Variants in SEMA4C observed in about 807,000 individuals in gnomAD.
SEMA4C encodes the protein semaphorin 4C.
In SEMA4C, 19 loss-of-function variants were observed where a neutral mutation model predicts 89.0. The observed-to-expected ratio is 0.21, with a 90% confidence interval of 0.15 to 0.31. The LOEUF (loss-of-function observed/expected upper bound fraction) is 0.31. Among genes scored for constraint, SEMA4C ranks in the 10% least tolerant of loss-of-function variants. The pLI is 1.00. For missense variants in SEMA4C, 811 were observed against 1,107.0 expected (o/e 0.73, Z 3.79); for synonymous variants, 428 against 472.7 (o/e 0.91, Z 1.23).
chr2:96,864,767 C>G lies in SEMA4C; in HGVS notation c.900G>C (p.Met300Ile). 6.2e-7 allele frequency: 1 copy of G among 1,613,964 alleles called. No homozygotes were observed. The highest frequency in any genetic ancestry group is 1.1e-5 in the South Asian group (1 of 91,088). ...WQLYFNQLQAMHTLQDTSWHN... is the reference protein window; with the variant it reads ...WQLYFNQLQAIHTLQDTSWHN... ...GCCAGGAGGTGTCCTGCAGGGTGTGCATCGCCTGCAGCTGGTTGAAGTAGA... is the reference window on the plus strand; with the variant it reads ...GCCAGGAGGTGTCCTGCAGGGTGTGGATCGCCTGCAGCTGGTTGAAGTAGA... Residue 300 changes from methionine (M) to isoleucine (I), a missense_variant, in exon 9 of 15, where the codon ATG becomes ATC. Physicochemically the swap from Met to Ile is conservative, Grantham distance 10 (BLOSUM62 1). Coordinates refer to ENST00000305476, the MANE Select transcript of SEMA4C (RefSeq NM_017789.5). The surrounding 1 kb of genome is among the most constrained non-coding windows in gnomAD (Gnocchi z 6.3).
At position 96,860,643 on chromosome 2, in the gene SEMA4C, C is replaced by G. The variant is rs375490727; in HGVS notation, c.2485G>C (p.Glu829Gln). The G allele has an allele frequency of 6.2e-7, 1 of 1,609,862 alleles. No individual in the cohort carries two copies. Among genetic ancestry groups the G allele is most frequent in the Non-Finnish European group, 8.5e-7 (1 of 1,177,798 alleles). Residue 829 changes from glutamate to glutamine, a missense_variant, in exon 15 of 15, where the codon GAG becomes CAG. By Grantham distance (29) the Glu-to-Gln change is conservative. Around this residue, in one of 4 missense-constraint regions of SEMA4C, gnomAD observed 248 missense variants for 269.0 expected, o/e 0.92. Transcript: ENST00000305476. ...GGTTCCCCTCATACTGATGACTCCT[C>G]GGGGTTGGAGTCGGGCAGTGGCTGG... ...QRQPLPDSNP[E>Q]ESSV is the part of the protein sequence containing the mutation.
intron 12 of SEMA4C, 109 bp from the exon 13 acceptor site, chr2:96,862,003 C>T (rs1361319436): frequency 2.5e-6 from 3 of 1,185,576 alleles, no homozygotes. Flanking sequence ...GCAGGGGGCA[C>T]AGCACGGGGC....
chr2:96,860,329 C>T lies in SEMA4C; in HGVS notation c.*297G>A, dbSNP rs2079912200. On this transcript the variant is annotated 3_prime_UTR_variant, in exon 15 of 15. Coordinates refer to ENST00000305476, the MANE Select transcript of SEMA4C (RefSeq NM_017789.5). ...ACACACACAAACACATGTGCAAATA[C>T]AGACAAACACACATCTTGAAACTTC... 2.2e-6 allele frequency: 1 copy of T among 457,742 alleles called. No homozygotes were observed. Among genetic ancestry groups the T allele is most frequent in the Non-Finnish European group, 3.9e-6 (1 of 258,302 alleles). The allele number at this position is 457,742 out of a possible 1,614,324, so 28.4% of individuals were successfully genotyped here.
In SEMA4C at chr2:96,860,853, G is replaced by A; in HGVS notation, c.2275C>T (p.Pro759Ser). Residue 759 changes from proline (P) to serine (S), a missense_variant, in exon 15 of 15, where the codon CCT (proline) becomes TCT (serine). Physicochemically the swap from Pro to Ser is moderately conservative, Grantham distance 74 (BLOSUM62 -1). Transcript: ENST00000305476. ...HARCQPGGGPPSPPPGIPGQP... is the reference protein window; with the variant it reads ...HARCQPGGGPSSPPPGIPGQP... ...CCTGGGATGCCTGGAGGTGGCGAAG[G>A]GGGCCCCCCACCGGGCTGGCACCGG... 6.2e-7 allele frequency: 1 copy of A among 1,613,156 alleles called. No individual in the cohort carries two copies. Among genetic ancestry groups the A allele is most frequent in the Non-Finnish European group, 8.5e-7 (1 of 1,179,986 alleles).
Position 96,860,388 on chromosome 2 carries a change from G to C in SEMA4C, c.*238C>G, listed in dbSNP as rs1255579397. On this transcript the variant is annotated 3_prime_UTR_variant, in exon 15 of 15. Transcript: ENST00000305476. ...AAAGTTTTGGCGGCTGGGGTCCCGCGTGTCTGTGATTCACAGAGAGGAGGA... is the reference window on the plus strand; with the variant it reads ...AAAGTTTTGGCGGCTGGGGTCCCGCCTGTCTGTGATTCACAGAGAGGAGGA... 3.9e-6 allele frequency: 2 copies of C among 512,402 alleles called. No individual in the cohort carries two copies. Among genetic ancestry groups the C allele is most frequent in the Non-Finnish European group, 6.8e-6 (2 of 292,112 alleles). 31.7% of individuals were successfully genotyped at this position (512,402 alleles called of 1,614,324 possible).
At chr2:96,863,477 G>A in intron 12 of SEMA4C, 3 of 1,343,420 alleles carry the variant, frequency 2.2e-6, no homozygotes, top group Non-Finnish European at 2.9e-6. Context: ...ATATATAATG[G>A]CCCTGTGCAG....
At chr2:96,869,214 T>C in intron 1 of SEMA4C, 1 of 985,334 alleles carries the variant, frequency 1.0e-6, no homozygotes, top group Non-Finnish European at 1.2e-6. Flanking sequence ...CCCCGTGGCG[T>C]GCTCCGAGGA....
rs2079901182 is a variant in SEMA4C, at chr2:96,859,852, A to C, written c.*774T>G. The C allele has an allele frequency of 6.6e-6, 1 of 152,266 alleles. No homozygotes were observed. The highest frequency in any genetic ancestry group is 1.5e-5 in the Non-Finnish European group (1 of 68,064). The allele number at this position is 152,266 out of a possible 1,614,324, so 9.4% of individuals were successfully genotyped here. On this transcript the variant is annotated 3_prime_UTR_variant, in exon 15 of 15. Transcript: ENST00000305476. Reference sequence around the variant, plus strand: ...TAGGAGCCCTCCTCCTAGGGCTGGAAGAGAGTATGCCATTGTCCACAGCAG... The same window carrying C: ...TAGGAGCCCTCCTCCTAGGGCTGGACGAGAGTATGCCATTGTCCACAGCAG...
intron 12 of SEMA4C, chr2:96,862,779 G>C (rs2079977166): frequency 6.6e-6 from 1 of 151,096 alleles, no homozygotes; most frequent in South Asian, 2.1e-4. Flanking sequence ...GGAGAATGGT[G>C]TGAACCTGGG....
chr2:96,864,463 C>T lies in SEMA4C; in HGVS notation c.963-81G>A. 6.3e-7 allele frequency: 1 copy of T among 1,577,446 alleles called. No homozygotes were observed. The highest frequency in any genetic ancestry group is 8.6e-7 in the Non-Finnish European group (1 of 1,163,814). On this transcript the variant is annotated intron_variant, in intron 9 of 14. Transcript: ENST00000305476. The surrounding 1 kb of genome is among the most constrained non-coding windows in gnomAD (Gnocchi z 6.3). ...CAGCTAAGGGCAAGCAGCAGGAAGG[C>T]AGGGCCTGGCACAAACTGGCCATGG...
intron 1 of SEMA4C, chr2:96,869,115 G>T: frequency 1.0e-6 from 1 of 985,338 alleles, no homozygotes. Context: ...CCAGAGCCCC[G>T]GCGCGGGAGA....
chr2:96,870,308 G>A, upstream of SEMA4C: 1 of 985,506 alleles, frequency 1.0e-6, no homozygotes, highest in Non-Finnish European at 1.2e-6. Flanking sequence ...CGCGGGCTGC[G>A]CCACAGCGCC....
rs752105213 is a variant in SEMA4C at position 96,865,315 on chromosome 2, C to T, written c.523G>A (p.Glu175Lys). 4 of 1,614,178 alleles carry T rather than the reference C, an allele frequency of 2.5e-6. No individual in the cohort carries two copies. In the South Asian group the frequency reaches 3.3e-5, roughly 13 times the overall value. The change falls in exon 7 of 15, where the codon GAG becomes AAG. Residue 175 changes from glutamate (E) to lysine (K), a missense_variant. By Grantham distance (56) the Glu-to-Lys change is moderately conservative. Transcript: ENST00000305476. ...TTGTTGAGTGTGGCCGAGTACAGCT[C>T]ACCATCTATGGGAGACAGAGGTCAG... The part of the protein sequence containing the change: ...KGHAGLLVDG[E>K]LYSATLNNFL...
intron 1 of SEMA4C, chr2:96,869,001 G>C: frequency 2.0e-6 from 2 of 985,254 alleles, no homozygotes; most frequent in Non-Finnish European, 2.4e-6. Flanking sequence ...CCCGTCCCGG[G>C]TCCCCCCGGG....
In SEMA4C at chr2:96,864,593, A is replaced by T; in HGVS notation, c.962+112T>A. The T allele has an allele frequency of 5.7e-6, 8 of 1,408,376 alleles. No individual in the cohort carries two copies. Among genetic ancestry groups the T allele is most frequent in the Non-Finnish European group, 6.8e-6 (7 of 1,035,920 alleles). 87.2% of individuals were successfully genotyped at this position (1,408,376 alleles called of 1,614,324 possible). A position where few individuals can be genotyped will look rare whatever the true frequency, so the allele number is the denominator to read the frequency against. On this transcript the variant is annotated intron_variant, in intron 9 of 14. Coordinates refer to ENST00000305476, the MANE Select transcript of SEMA4C (RefSeq NM_017789.5). This position sits in a 1 kb window ranked among gnomAD's most constrained non-coding sequence, Gnocchi z 6.3. ...TGCCAGCATTCTCCTTGGCTTCTGG[A>T]CACCTGGCTTCCGGGACTGCCTCTG...
Position 96,863,756 on chromosome 2 carries a change from A to C in SEMA4C, c.1369T>G (p.Trp457Gly). 1 of 1,613,990 alleles carries C rather than the reference A, an allele frequency of 6.2e-7. No homozygotes were observed. The highest frequency in any genetic ancestry group is 8.5e-7 in the Non-Finnish European group (1 of 1,180,036). ...WLLKAVSLGP[W>G]VHLIEELQLF... ...TGCAGCTCCTCAATCAGGTGAACCC[A>C]GGGCCCCAGGCTCACAGCCTTGAGC... is the stretch of plus-strand genomic sequence containing the variant. The change falls in exon 12 of 15, where the codon TGG becomes GGG. Residue 457 changes from tryptophan (W) to glycine (G), a missense_variant. Physicochemically the swap from Trp to Gly is radical, Grantham distance 184 (BLOSUM62 -2). This residue lies in a region of SEMA4C where 441 missense variants were observed against 664.9 expected (regional missense o/e 0.66). Transcript: ENST00000305476.
chr2:96,860,536 G>T lies in SEMA4C; in HGVS notation c.*90C>A. ...AGTATCTGTCCCAGACAGAGCAGGT[G>T]CCCGTGCCATGTCCCTGAGGTAGCT... On this transcript the variant is annotated 3_prime_UTR_variant, in exon 15 of 15. Coordinates refer to ENST00000305476, the MANE Select transcript of SEMA4C (RefSeq NM_017789.5). 8.5e-7 allele frequency: 1 copy of T among 1,175,110 alleles called. No individual in the cohort carries two copies. The highest frequency in any genetic ancestry group is 1.2e-6 in the Non-Finnish European group (1 of 828,674). 72.8% of individuals were successfully genotyped at this position (1,175,110 alleles called of 1,614,324 possible). A position where few individuals can be genotyped will look rare whatever the true frequency, so the allele number is the denominator to read the frequency against.
chr2:96,865,898 G>T lies in SEMA4C; in HGVS notation c.290C>A (p.Thr97Asn), dbSNP rs1559035718. ...GTTCTTCCCTTTCTGGATACACTCA[G>T]TCTTCTTCTCCACGGGGGCCTCCCA... ...ISWEAPVEKK[T>N]ECIQKGKNNQ... The change falls in exon 4 of 15, where the codon ACT becomes AAT. Residue 97 changes from threonine to asparagine, a missense_variant. Physicochemically the swap from Thr to Asn is moderately conservative, Grantham distance 65. Around this residue, in one of 4 missense-constraint regions of SEMA4C, gnomAD observed 119 missense variants for 152.7 expected, o/e 0.78. Coordinates refer to ENST00000305476, the MANE Select transcript of SEMA4C (RefSeq NM_017789.5). 1 of 1,614,102 alleles carries T rather than the reference G, an allele frequency of 6.2e-7. No individual in the cohort carries two copies. The highest frequency in any genetic ancestry group is 8.5e-7 in the Non-Finnish European group (1 of 1,180,026).
At chr2:96,870,102 C>T (rs1225302832), upstream of SEMA4C, 1 of 970,036 alleles carries the variant, frequency 1.0e-6, no homozygotes, top group Non-Finnish European at 1.2e-6. Context: ...GGCTCTCCGC[C>T]CCCTTCCCCT....
Sources: allele counts gnomAD v4.1 joint callset, GRCh38; gene constraint gnomAD v4.1.1; regional missense constraint gnomAD v4.1.1; non-coding constraint Gnocchi (gnomAD v3.1); transcripts MANE v1.5; gene names NCBI Gene and HGNC (gene_info 2026-07-23, HGNC 2026-07-21).